Variants in MYOM2 observed in about 807,000 individuals in gnomAD.
MYOM2 encodes the protein myomesin-2.
Under a neutral mutation model 187.6 loss-of-function variants are expected in MYOM2, and 254 were observed. That is an observed-to-expected ratio of 1.35 (90% CI 1.22 to 1.50). The LOEUF (loss-of-function observed/expected upper bound fraction) is 1.50, where lower values mean the gene tolerates loss of function less well. Ranked by LOEUF, MYOM2 falls within the 40% of genes most tolerant of loss-of-function variation. The pLI is 0.00. For synonymous variants in MYOM2, 981 were observed against 753.8 expected (o/e 1.30, Z -4.94); for missense variants, 2,796 against 1,924.0 (o/e 1.45, Z -8.48).
At chr8:2,058,933 A>G (rs1818761121) in intron 5 of MYOM2, among the ~76,000 whole-genome samples, 1 of 152,218 alleles carries the variant, frequency 6.6e-6, no homozygotes, top group African/African-American at 2.4e-5. Flanking sequence ...CGAATGGGGA[A>G]TCCCCTGAGA....
chr8:2,121,705 A>G (rs142769211), intron 28 of MYOM2, among the ~76,000 whole-genome samples: 47 of 145,142 alleles, frequency 3.2e-4, no homozygotes, highest in African/African-American at 1.0e-3. Context: ...CTTCAGAGAA[A>G]ACCATTTTTA....
At chr8:2,143,968 G>T (rs1798368443) in intron 36 of MYOM2, among the ~76,000 whole-genome samples, 1 of 152,238 alleles carries the variant, frequency 6.6e-6, no homozygotes, top group Non-Finnish European at 1.5e-5. Context: ...TTTGTTGCCT[G>T]TCGGGAGAAT....
rs750115617 is a variant in MYOM2, at chr8:2,073,476, C to T, written c.1096C>T (p.His366Tyr). The T allele has an allele frequency of 4.8e-5, 77 of 1,607,382 alleles. 4 individuals carry two copies. In the South Asian group the frequency reaches 8.4e-4, roughly 17 times the overall value. The change falls in exon 10 of 37, where the codon CAC becomes TAC. Residue 366 changes from histidine (H) to tyrosine (Y), a missense_variant. Physicochemically the swap from His to Tyr is moderately conservative, Grantham distance 83. Transcript: ENST00000262113. ...RIVSRGGVSD[H>Y]SAFLFVRDAD... is the part of the protein sequence containing the mutation. ...CGTGTCTCGGGGCGGCGTCAGCGACCACAGCGCCTTCCTGTTTGTCAGAGG... is the reference window on the plus strand; with the variant it reads ...CGTGTCTCGGGGCGGCGTCAGCGACTACAGCGCCTTCCTGTTTGTCAGAGG...
chr8:2,107,437 T>C (rs1448062314), intron 23 of MYOM2, among the ~76,000 whole-genome samples: 1 of 152,188 alleles, frequency 6.6e-6, no homozygotes, highest in Non-Finnish European at 1.5e-5. Context: ...GCAGATCCTT[T>C]AGTTATCAAT....
At chr8:2,096,494 A>G in intron 18 of MYOM2, 60 bp downstream of exon 18, 2 of 1,530,590 alleles carry the variant, frequency 1.3e-6, no homozygotes, top group Non-Finnish European at 1.8e-6. Context: ...CATTTTTGGC[A>G]ATGTTTCTGC....
chr8:2,093,639 G>C (rs4559266), intron 16 of MYOM2, among the ~76,000 whole-genome samples: 1 of 151,974 alleles, frequency 6.6e-6, no homozygotes, highest in Non-Finnish European at 1.5e-5. Flanking sequence ...TGCTAATTAA[G>C]TTTTACATAC....
Position 2,102,717 on chromosome 8 carries a change from C to T in MYOM2, c.2670C>T (p.Val890=). 6.2e-7 allele frequency: 1 copy of T among 1,614,118 alleles called. No homozygotes were observed. Among genetic ancestry groups the T allele is most frequent in the Non-Finnish European group, 8.5e-7 (1 of 1,179,940 alleles). The change falls in exon 21 of 37, where the codon GTC becomes GTT. Residue 890 remains valine (V), a synonymous_variant. Coordinates refer to ENST00000262113, the MANE Select transcript of MYOM2 (RefSeq NM_003970.4). The stretch of plus-strand genomic sequence containing the variant: ...CCTATGTCTTCAGGGTCCGGGCAGT[C>T]AATGCAAATGGCGTGGGGAAGCCCT... ...GKTYVFRVRA[V]NANGVGKPSD...
intron 6 of MYOM2, among the ~76,000 whole-genome samples, chr8:2,059,564 C>T (rs903631767): frequency 2.6e-5 from 4 of 152,132 alleles, no homozygotes; most frequent in Admixed American, 2.0e-4. Context: ...GTTCGAGAAA[C>T]ACACCCTAAG....
intron 23 of MYOM2, among the ~76,000 whole-genome samples, chr8:2,107,410 A>C (rs181151038): frequency 1.3e-5 from 2 of 152,154 alleles, no homozygotes; most frequent in East Asian, 3.9e-4. Context: ...TCTCCAGGGG[A>C]GTCCTAAGGT....
chr8:2,073,916 T>C (rs1213824907), intron 10 of MYOM2, among the ~76,000 whole-genome samples: 6 of 152,174 alleles, frequency 3.9e-5, no homozygotes, highest in Non-Finnish European at 8.8e-5. Flanking sequence ...CTCTGGACTT[T>C]GGCTTAAGAG....
At chr8:2,102,870 T>A (rs1335536437) in intron 21 of MYOM2, 89 bp downstream of exon 21, 2 of 1,053,218 alleles carry the variant, frequency 1.9e-6, no homozygotes, top group Non-Finnish European at 2.9e-6. Context: ...GGTGTGTGGA[T>A]AAATGAGTGG....
chr8:2,083,750 TC>T (rs1382723536), intron 13 of MYOM2, among the ~76,000 whole-genome samples: 1 of 152,200 alleles, frequency 6.6e-6, no homozygotes, highest in East Asian at 1.9e-4. Context: ...AATCTGCAAA[TC>T]CGCAAGGCTT....
chr8:2,139,231 C>A (rs1405594231), intron 32 of MYOM2, among the ~76,000 whole-genome samples: 1 of 152,232 alleles, frequency 6.6e-6, no homozygotes, highest in Non-Finnish European at 1.5e-5. Flanking sequence ...GCCTTGACCT[C>A]CTCGGGCTCA....
intron 13 of MYOM2, among the ~76,000 whole-genome samples, chr8:2,083,243 G>A (rs1263088334): frequency 6.6e-6 from 1 of 151,862 alleles, no homozygotes; most frequent in Non-Finnish European, 1.5e-5. Flanking sequence ...ATTGGGTGAG[G>A]GCAGCATCAG....
At chr8:2,116,914 T>C (rs1012618808) in intron 27 of MYOM2, among the ~76,000 whole-genome samples, 8 of 142,754 alleles carry the variant, frequency 5.6e-5, no homozygotes, top group South Asian at 4.7e-4. Context: ...CCCGCCACTA[T>C]GCCCGGTTAA....
chr8:2,120,680 T>TATATATAATATA, intron 28 of MYOM2, among the ~76,000 whole-genome samples: 2 of 48,290 alleles, frequency 4.1e-5, no homozygotes, highest in African/African-American at 6.6e-5. Flanking sequence ...ATATATTATA[T>TATATATAATATA]TATATATAAA....
At chr8:2,127,512 G>A (rs1797690159) in intron 31 of MYOM2, among the ~76,000 whole-genome samples, 1 of 152,258 alleles carries the variant, frequency 6.6e-6, no homozygotes, top group South Asian at 2.1e-4. Context: ...CAGGTTCCTG[G>A]GTGGTTTCCT....
chr8:2,047,871 C>G (rs988877960), intron 1 of MYOM2, among the ~76,000 whole-genome samples: 1 of 152,212 alleles, frequency 6.6e-6, no homozygotes, highest in African/African-American at 2.4e-5. Flanking sequence ...TCCAGGCCCA[C>G]AGGACCGGAT....
chr8:2,110,057 T>C (rs566682983), intron 25 of MYOM2, among the ~76,000 whole-genome samples: 1 of 152,278 alleles, frequency 6.6e-6, no homozygotes, highest in Non-Finnish European at 1.5e-5. Context: ...GCATGGCGGC[T>C]CTCACCTGTA....
Sources: gnomAD v4.1 joint callset for allele counts (sites outside exome capture counted in the v4.1 genomes callset) on GRCh38, gnomAD v4.1.1 for gene constraint, MANE v1.5 for transcripts, NCBI Gene and HGNC (gene_info 2026-07-23, HGNC 2026-07-21) for gene names.